Variants in GIGYF2 observed in about 807,000 individuals in gnomAD.
GIGYF2 encodes GRB10-interacting GYF protein 2.
In GIGYF2, 25 loss-of-function variants were observed where a neutral mutation model predicts 208.1. The ratio of observed to expected loss-of-function variants is 0.12; its 90% CI spans 0.09 to 0.17. The LOEUF (loss-of-function observed/expected upper bound fraction) is 0.17. Ranked by LOEUF, GIGYF2 falls within the 10% of genes least tolerant of loss-of-function variation. GIGYF2 has a pLI of 1.00. For synonymous variants in GIGYF2, 534 were observed against 543.8 expected (o/e 0.98, Z 0.25); for missense variants, 1,302 against 1,579.4 (o/e 0.82, Z 2.98).
At chr2:232,753,608 T>A (rs564727808) in intron 5 of GIGYF2, among the ~76,000 whole-genome samples, 59 of 152,300 alleles carry the variant, frequency 3.9e-4, no homozygotes, top group African/African-American at 1.3e-3. Flanking sequence ...TACTAGCTTT[T>A]AGTATGTATT....
rs533780799 is a variant in GIGYF2, at chr2:232,794,909, C to A, written c.1444C>A (p.Pro482Thr). The change falls in exon 13 of 29, where the codon CCT (proline) becomes ACT (threonine). Residue 482 changes from proline to threonine, a missense_variant. By Grantham distance (38) the Pro-to-Thr change is conservative. Coordinates refer to ENST00000373563, the MANE Select transcript of GIGYF2 (RefSeq NM_001103146.3). ...TGGTATGGGCAGTGTTTCCACAGAACCTGATGATGAAGAAGGTCTCAAACA... is the reference window on the plus strand; with the variant it reads ...TGGTATGGGCAGTGTTTCCACAGAAACTGATGATGAAGAAGGTCTCAAACA... Reference protein sequence around the residue: ...APGMGSVSTEPDDEEGLKHLE... With the variant: ...APGMGSVSTETDDEEGLKHLE... The A allele has an allele frequency of 6.2e-6, 10 of 1,613,888 alleles. No individual in the cohort carries two copies. The highest frequency in any genetic ancestry group is 8.5e-6 in the Non-Finnish European group (10 of 1,179,806).
intron 8 of GIGYF2, chr2:232,765,783 T>C (rs1274342577): frequency 2.8e-6 from 1 of 355,104 alleles, no homozygotes; most frequent in Non-Finnish European, 5.7e-6. Flanking sequence ...TTATAGACTC[T>C]TCTGGTACTT....
intron 2 of GIGYF2, among the ~76,000 whole-genome samples, chr2:232,713,080 C>CTT (rs10636543): frequency 0.29 from 41,796 of 146,482 alleles, 6,302 homozygotes; most frequent in South Asian, 0.6. Flanking sequence ...GAAAAAACTT[C>CTT]TTTTTTTTTT....
chr2:232,769,505 CAAAAAA>C (rs34912964), intron 8 of GIGYF2, among the ~76,000 whole-genome samples: 2 of 66,538 alleles, frequency 3.0e-5, no homozygotes, highest in South Asian at 6.3e-4. Flanking sequence ...GACTCCATCT[CAAAAAA>C]AAAAAAAAAA....
intron 8 of GIGYF2, chr2:232,768,708 A>G: frequency 6.2e-7 from 1 of 1,603,884 alleles, no homozygotes; most frequent in Non-Finnish European, 8.5e-7. Flanking sequence ...GGCCACTTGG[A>G]AGATAAGATT....
intron 8 of GIGYF2, chr2:232,767,442 T>A (rs1006455365): frequency 1.3e-5 from 2 of 152,746 alleles, no homozygotes; most frequent in East Asian, 3.9e-4. Context: ...TTGATTATTA[T>A]GGAGGACAGT....
chr2:232,837,627 T>A (rs1275443662), intron 22 of GIGYF2, among the ~76,000 whole-genome samples: 3 of 152,104 alleles, frequency 2.0e-5, no homozygotes, highest in Non-Finnish European at 4.4e-5. Flanking sequence ...GCTACTTTTT[T>A]TTTTTATTTT....
chr2:232,717,025 G>C (rs1446897191), intron 2 of GIGYF2, among the ~76,000 whole-genome samples: 1 of 151,588 alleles, frequency 6.6e-6, no homozygotes, highest in Non-Finnish European at 1.5e-5. Context: ...TGTTGCCCAG[G>C]CTGGTCTCAA....
In GIGYF2 at chr2:232,806,312, T is replaced by C. The variant is rs897913529; in HGVS notation, c.1640-179T>C. ...GGGATGTATAAACACAGACTTTATT[T>C]AAAAATTATTTTAGTAGTTAGAAAT... On this transcript the variant is annotated intron_variant, in intron 14 of 28. Coordinates refer to ENST00000373563, the MANE Select transcript of GIGYF2 (RefSeq NM_001103146.3). This position sits in a 1 kb window ranked among gnomAD's most constrained non-coding sequence, Gnocchi z 4.0. Among the ~76,000 whole-genome samples, 28 of 152,252 alleles carry C rather than the reference T, an allele frequency of 1.8e-4. 1 individual carries two copies. Among genetic ancestry groups the C allele is most frequent in the African/African-American group, 6.3e-4 (26 of 41,470 alleles).
intron 15 of GIGYF2, among the ~76,000 whole-genome samples, chr2:232,809,006 G>T (rs141982533): frequency 1.3e-5 from 2 of 152,102 alleles, no homozygotes; most frequent in African/African-American, 4.8e-5. Context: ...GTGCAGTGGC[G>T]CAGTCTAGGC....
chr2:232,811,463 C>A (rs1700732711), intron 17 of GIGYF2, 112 bp downstream of exon 17: 4 of 730,804 alleles, frequency 5.5e-6, no homozygotes, highest in Non-Finnish European at 1.0e-5. Context: ...ACACTCCCAA[C>A]ACATACCTGC....
In GIGYF2 at chr2:232,791,177, C is replaced by T. The variant is rs763812896; in HGVS notation, c.1093+7C>T. 1 of 1,613,914 alleles carries T rather than the reference C, an allele frequency of 6.2e-7. No individual in the cohort carries two copies. Among genetic ancestry groups the T allele is most frequent in the South Asian group, 1.1e-5 (1 of 91,068 alleles). On this transcript the variant is annotated splice_region_variant and intron_variant, in intron 11 of 28. Transcript: ENST00000373563. The stretch of plus-strand genomic sequence containing the variant: ...ACAGATAGAGTAGGAGTTGGTAAGG[C>T]CTCTTCTTGCCCTTTGCCTTTTTTT...
Position 232,858,694 on chromosome 2 carries a change from A to T in GIGYF2, c.*1834A>T. The T allele has an allele frequency of 2.7e-6, 1 of 369,634 alleles. No homozygotes were observed. Among genetic ancestry groups the T allele is most frequent in the Non-Finnish European group, 5.3e-6 (1 of 189,820 alleles). The allele number at this position is 369,634 out of a possible 1,614,324, so 22.9% of individuals were successfully genotyped here. A position where few individuals can be genotyped will look rare whatever the true frequency, so the allele number is the denominator to read the frequency against. ...TCTGCACTAAACTGTTCCTCTTGGT[A>T]CCATGGAAAAGCTCCAAGCACCCAA... On this transcript the variant is annotated 3_prime_UTR_variant, in exon 29 of 29. Coordinates refer to ENST00000373563, the MANE Select transcript of GIGYF2 (RefSeq NM_001103146.3).
At chr2:232,803,061 G>C (rs1384488121) in intron 14 of GIGYF2, among the ~76,000 whole-genome samples, 1 of 151,998 alleles carries the variant, frequency 6.6e-6, no homozygotes, top group Non-Finnish European at 1.5e-5. Context: ...CACCATGCCC[G>C]GCTCATTTTA....
intron 21 of GIGYF2, among the ~76,000 whole-genome samples, chr2:232,831,262 A>G (rs1701418366): frequency 1.3e-5 from 2 of 152,222 alleles, no homozygotes; most frequent in Non-Finnish European, 2.9e-5. Flanking sequence ...TGCAGTCCAC[A>G]CTTAAGAATG....
chr2:232,783,643 A>T (rs571636180), intron 8 of GIGYF2, among the ~76,000 whole-genome samples: 252 of 146,270 alleles, frequency 1.7e-3, no homozygotes, highest in African/African-American at 6.3e-3. Context: ...TACACAAAAT[A>T]ATTTCTTTTT....
intron 2 of GIGYF2, among the ~76,000 whole-genome samples, chr2:232,732,811 G>A (rs906192939): frequency 2.9e-4 from 44 of 151,798 alleles, no homozygotes; most frequent in East Asian, 1.4e-3. Context: ...ATATATTTTT[G>A]TGGAGACAGG....
chr2:232,810,510 T>C (rs1336725156), intron 16 of GIGYF2: 1 of 153,308 alleles, frequency 6.5e-6, no homozygotes, highest in Non-Finnish European at 1.5e-5. Context: ...ATGTCCTTTT[T>C]GTAGAAGAAA....
intron 12 of GIGYF2, among the ~76,000 whole-genome samples, chr2:232,793,449 A>G (rs1186601569): frequency 6.6e-6 from 1 of 152,174 alleles, no homozygotes; most frequent in East Asian, 1.9e-4. Context: ...TTATGGTGCC[A>G]TTCACACGAA....
Sources: allele counts gnomAD v4.1 joint callset (sites outside exome capture counted in the v4.1 genomes callset), GRCh38; gene constraint gnomAD v4.1.1; non-coding constraint Gnocchi (gnomAD v3.1); transcripts MANE v1.5; gene names NCBI Gene and HGNC (gene_info 2026-07-23, HGNC 2026-07-21).